LMNTD1: variants seen among roughly 807,000 people sequenced by gnomAD.
LMNTD1 encodes the protein lamin tail domain containing 1, also known as lamin tail domain-containing protein 1.
A neutral mutation model predicts 50.9 loss-of-function variants in LMNTD1; 35 were observed. That is an observed-to-expected ratio of 0.69 (90% CI 0.53 to 0.91). The LOEUF (loss-of-function observed/expected upper bound fraction) is 0.91, where lower values mean the gene tolerates loss of function less well. Ranked by LOEUF, LMNTD1 falls within the 40% of genes least tolerant of loss-of-function variation. LMNTD1 has a pLI of 0.00. For synonymous variants in LMNTD1, 153 were observed against 161.9 expected (o/e 0.94, Z 0.42); for missense variants, 470 against 475.5 (o/e 0.99, Z 0.11).
chr12:25,541,448 C>G (rs1943065996), intron 4 of LMNTD1, among the ~76,000 whole-genome samples: 2 of 137,566 alleles, frequency 1.5e-5, no homozygotes, highest in African/African-American at 5.3e-5. Flanking sequence ...TTTGACAAAC[C>G]TGAGAAAAAC....
intron 1 of LMNTD1, among the ~76,000 whole-genome samples, chr12:25,577,398 C>T (rs1057022948): frequency 6.6e-6 from 1 of 152,112 alleles, no homozygotes; most frequent in African/African-American, 2.4e-5. Context: ...TTGAAGAGGT[C>T]CTTCACATCC....
intron 1 of LMNTD1, among the ~76,000 whole-genome samples, chr12:25,599,329 T>A (rs1449088041): frequency 6.6e-6 from 1 of 151,926 alleles, no homozygotes; most frequent in Non-Finnish European, 1.5e-5. Context: ...AAGCCAAATA[T>A]GACAGACCCA....
At chr12:25,607,244 T>G (rs1449815106) in intron 1 of LMNTD1, among the ~76,000 whole-genome samples, 4 of 152,254 alleles carry the variant, frequency 2.6e-5, no homozygotes, top group Non-Finnish European at 5.9e-5. Flanking sequence ...TTAGTCTTGC[T>G]AGCAGTCTAT....
At chr12:25,558,124 G>A (rs991042025), upstream of LMNTD1, among the ~76,000 whole-genome samples, 5 of 152,154 alleles carry the variant, frequency 3.3e-5, no homozygotes, top group African/African-American at 1.2e-4. Flanking sequence ...AGTATCAGTT[G>A]TAATGTCTCC....
At chr12:25,615,270 C>T (rs1193398430) in intron 1 of LMNTD1, among the ~76,000 whole-genome samples, 22 of 152,110 alleles carry the variant, frequency 1.4e-4, no homozygotes, top group Admixed American at 1.4e-3. Context: ...CAGTAAAACA[C>T]ATGAGCACAA....
At chr12:25,643,181 A>G (rs952637409) in intron 1 of LMNTD1, among the ~76,000 whole-genome samples, 4 of 152,260 alleles carry the variant, frequency 2.6e-5, no homozygotes, top group Admixed American at 1.3e-4. Context: ...TGACAGAAAT[A>G]TAAATAAAAC....
intron 1 of LMNTD1, among the ~76,000 whole-genome samples, chr12:25,614,254 T>G (rs1592105854): frequency 6.6e-6 from 1 of 152,006 alleles, no homozygotes; most frequent in Non-Finnish European, 1.5e-5. Context: ...ATCAGTTGCT[T>G]CTTCTGCTTC....
At chr12:25,486,951 T>C (rs1373582710) in intron 9 of LMNTD1, among the ~76,000 whole-genome samples, 1 of 152,178 alleles carries the variant, frequency 6.6e-6, no homozygotes, top group Non-Finnish European at 1.5e-5. Context: ...ATCAAGGATA[T>C]TGGTCTTAAT....
chr12:25,598,701 C>A (rs1267964244), intron 1 of LMNTD1, among the ~76,000 whole-genome samples: 6 of 150,170 alleles, frequency 4.0e-5, no homozygotes, highest in Non-Finnish European at 7.4e-5. Context: ...AAAAAAAAAT[C>A]ATGAGTAACT....
chr12:25,575,914 C>T (rs1360785717), intron 1 of LMNTD1, among the ~76,000 whole-genome samples: 1 of 152,134 alleles, frequency 6.6e-6, no homozygotes, highest in Admixed American at 6.5e-5. Flanking sequence ...TTGTTCAATT[C>T]CTACCTATGA....
At chr12:25,548,945 C>T (rs1943592000) in intron 3 of LMNTD1, among the ~76,000 whole-genome samples, 1 of 151,930 alleles carries the variant, frequency 6.6e-6, no homozygotes, top group African/African-American at 2.4e-5. Context: ...CGTAAAGGCA[C>T]AAAATACACA....
At chr12:25,566,886 T>A (rs1944579452) in intron 1 of LMNTD1, among the ~76,000 whole-genome samples, 1 of 152,198 alleles carries the variant, frequency 6.6e-6, no homozygotes, top group South Asian at 2.1e-4. Flanking sequence ...CTCTTGACAA[T>A]TTGAAGTGTA....
chr12:25,580,265 T>C (rs1413939441), intron 1 of LMNTD1, among the ~76,000 whole-genome samples: 1 of 152,216 alleles, frequency 6.6e-6, no homozygotes, highest in Non-Finnish European at 1.5e-5. Flanking sequence ...CACCTTTCCA[T>C]TGATGTTTTC....
intron 1 of LMNTD1, among the ~76,000 whole-genome samples, chr12:25,607,175 G>A (rs191245190): frequency 4.6e-5 from 7 of 152,224 alleles, no homozygotes; most frequent in African/African-American, 1.4e-4. Flanking sequence ...GATTGGTGGC[G>A]ATATCCTCTT....
intron 1 of LMNTD1, among the ~76,000 whole-genome samples, chr12:25,572,954 T>G (rs1458371498): frequency 6.6e-6 from 1 of 152,138 alleles, no homozygotes; most frequent in Non-Finnish European, 1.5e-5. Flanking sequence ...GGTCACAGTG[T>G]CCTCCTAGTA....
chr12:25,601,469 G>A (rs1945972613), intron 1 of LMNTD1, among the ~76,000 whole-genome samples: 1 of 151,798 alleles, frequency 6.6e-6, no homozygotes, highest in Non-Finnish European at 1.5e-5. Flanking sequence ...AGTATATTTG[G>A]ATTATTTGTA....
chr12:25,507,762 G>A (rs1424970707), intron 8 of LMNTD1, among the ~76,000 whole-genome samples: 1 of 152,166 alleles, frequency 6.6e-6, no homozygotes, highest in East Asian at 1.9e-4. Flanking sequence ...TATTATTGAT[G>A]GCCATGTGTC....
chr12:25,555,292 C>A (rs1943994962), upstream of LMNTD1, among the ~76,000 whole-genome samples: 1 of 152,080 alleles, frequency 6.6e-6, no homozygotes, highest in African/African-American at 2.4e-5. Context: ...TGGTAGTATT[C>A]ATGTGGTTGA....
At chr12:25,539,883 TA>T (rs1942926638) in intron 4 of LMNTD1, among the ~76,000 whole-genome samples, 1 of 151,578 alleles carries the variant, frequency 6.6e-6, no homozygotes, top group South Asian at 2.1e-4. Context: ...TAAAAAATCA[TA>T]AAGGGGATAT....
Sources: gnomAD v4.1 joint callset for allele counts (sites outside exome capture counted in the v4.1 genomes callset) on GRCh38, gnomAD v4.1.1 for gene constraint, MANE v1.5 for transcripts, NCBI Gene and HGNC (gene_info 2026-07-23, HGNC 2026-07-21) for gene names.